RHBDD1: variants seen among roughly 807,000 people sequenced by gnomAD.
RHBDD1 encodes the protein rhomboid-related protein 4.
In RHBDD1, 38 loss-of-function variants were observed where a neutral mutation model predicts 36.3. The observed-to-expected ratio is 1.05, with a 90% CI of 0.81 to 1.37. The LOEUF (loss-of-function observed/expected upper bound fraction) is 1.37, where lower values mean the gene tolerates loss of function less well. Ranked by LOEUF, RHBDD1 falls within the 40% of genes most tolerant of loss-of-function variation. The pLI, the probability that RHBDD1 is intolerant of heterozygous loss-of-function variation, is 0.00. For synonymous variants in RHBDD1, 151 were observed against 136.5 expected, an observed-to-expected ratio of 1.11 and a Z score of -0.74; for missense variants, 393 against 377.6, an observed-to-expected ratio of 1.04 and a Z score of -0.34.
At chr2:226,987,854 T>G (rs908105851) in intron 8 of RHBDD1, among the ~76,000 whole-genome samples, 2 of 152,184 alleles carry the variant, frequency 1.3e-5, no homozygotes, top group African/African-American at 4.8e-5. Context: ...TGCATCAGAA[T>G]CTGTGGTGAG....
chr2:226,949,942 G>A (rs951375924), intron 8 of RHBDD1, among the ~76,000 whole-genome samples: 1 of 152,066 alleles, frequency 6.6e-6, no homozygotes, highest in Admixed American at 6.5e-5. Context: ...TAATTATTTA[G>A]TTGATCAAAA....
At chr2:226,956,444 A>T (rs1314648789) in intron 8 of RHBDD1, among the ~76,000 whole-genome samples, 1 of 152,180 alleles carries the variant, frequency 6.6e-6, no homozygotes, top group East Asian at 1.9e-4. Context: ...GCCTGGTGTT[A>T]TCAGGTGTTA....
chr2:226,868,749 G>A (rs969895587), intron 5 of RHBDD1, among the ~76,000 whole-genome samples: 8 of 152,290 alleles, frequency 5.3e-5, no homozygotes, highest in African/African-American at 1.9e-4. Flanking sequence ...CCCATCACGG[G>A]CAGCCACTGG....
intron 3 of RHBDD1, among the ~76,000 whole-genome samples, chr2:226,848,603 G>A (rs1942473001): frequency 1.3e-5 from 2 of 152,216 alleles, no homozygotes; most frequent in South Asian, 4.2e-4. Flanking sequence ...AATCTGAAAG[G>A]CTCATGTAAA....
chr2:226,858,719 T>G (rs1232658145), intron 3 of RHBDD1, among the ~76,000 whole-genome samples: 3 of 152,210 alleles, frequency 2.0e-5, no homozygotes, highest in African/African-American at 7.2e-5. Context: ...ATTCAGTTTC[T>G]TTTGTTTGTT....
intron 8 of RHBDD1, among the ~76,000 whole-genome samples, chr2:226,981,732 A>G (rs1955815942): frequency 6.6e-6 from 1 of 152,224 alleles, no homozygotes; most frequent in Non-Finnish European, 1.5e-5. Context: ...AATGACCATC[A>G]TACTTCTCAG....
chr2:226,849,656 A>G (rs1942595280), intron 3 of RHBDD1, among the ~76,000 whole-genome samples: 1 of 152,266 alleles, frequency 6.6e-6, no homozygotes, highest in East Asian at 1.9e-4. Context: ...GCAACGACAG[A>G]GAGTCAAGGC....
At chr2:226,980,633 C>T (rs1321217763) in intron 8 of RHBDD1, among the ~76,000 whole-genome samples, 1 of 152,148 alleles carries the variant, frequency 6.6e-6, no homozygotes, top group East Asian at 1.9e-4. Context: ...TGTAGGGTTC[C>T]TTATGGTCTT....
chr2:226,834,420 G>A (rs1940818643), upstream of RHBDD1, among the ~76,000 whole-genome samples: 1 of 152,192 alleles, frequency 6.6e-6, no homozygotes, highest in Non-Finnish European at 1.5e-5. Context: ...AGCTTTTGGA[G>A]GAGTATATTG....
intron 8 of RHBDD1, among the ~76,000 whole-genome samples, chr2:226,971,918 T>C (rs985654307): frequency 1.3e-5 from 2 of 151,094 alleles, no homozygotes; most frequent in African/African-American, 2.5e-5. Context: ...ACTTTTTTTT[T>C]TTTTTAATTT....
At chr2:226,848,459 C>G (rs1242272742) in intron 3 of RHBDD1, among the ~76,000 whole-genome samples, 2 of 152,126 alleles carry the variant, frequency 1.3e-5, no homozygotes, top group African/African-American at 4.8e-5. Context: ...GGGGTGACTT[C>G]TGGTCTCAGC....
chr2:226,939,145 A>G (rs769543533), intron 8 of RHBDD1, among the ~76,000 whole-genome samples: 11 of 152,224 alleles, frequency 7.2e-5, no homozygotes, highest in Non-Finnish European at 1.6e-4. Context: ...AATAAGAGCC[A>G]TATATTACAG....
At chr2:226,840,397 C>T (rs183177919) in intron 3 of RHBDD1, among the ~76,000 whole-genome samples, 1 of 152,280 alleles carries the variant, frequency 6.6e-6, no homozygotes, top group Admixed American at 6.5e-5. Flanking sequence ...TTGTTACATG[C>T]ACCTCATAAT....
At chr2:226,854,498 G>A (rs889902096) in intron 3 of RHBDD1, among the ~76,000 whole-genome samples, 2 of 151,114 alleles carry the variant, frequency 1.3e-5, no homozygotes, top group Admixed American at 1.3e-4. Flanking sequence ...GGAGGTTGAG[G>A]CAGAATAATT....
intron 8 of RHBDD1, among the ~76,000 whole-genome samples, chr2:226,921,344 T>A (rs904854244): frequency 6.6e-6 from 1 of 152,084 alleles, no homozygotes; most frequent in Non-Finnish European, 1.5e-5. Flanking sequence ...TTTCATTTAG[T>A]TCTACTCTTT....
intron 3 of RHBDD1, among the ~76,000 whole-genome samples, chr2:226,862,151 A>G (rs1943911520): frequency 6.6e-6 from 1 of 152,224 alleles, no homozygotes; most frequent in Non-Finnish European, 1.5e-5. Context: ...CCATTTGCAA[A>G]GGAATTAATT....
At chr2:226,809,785 ATAAC>A in the RHBDD1 span, among the ~76,000 whole-genome samples, 23 of 152,342 alleles carry the variant, frequency 1.5e-4, no homozygotes, top group Admixed American at 3.3e-4. Context: ...ACTTTACAAA[ATAAC>A]AAATAATAGC....
chr2:226,957,854 C>T (rs1323014858), intron 8 of RHBDD1, among the ~76,000 whole-genome samples: 2 of 151,976 alleles, frequency 1.3e-5, no homozygotes, highest in Non-Finnish European at 2.9e-5. Context: ...TACCACTTCA[C>T]GTCCACTAGG....
chr2:226,801,492 C>T, the RHBDD1 span, among the ~76,000 whole-genome samples: 1 of 152,172 alleles, frequency 6.6e-6, no homozygotes, highest in African/African-American at 2.4e-5. Flanking sequence ...TCCTCCCCAC[C>T]CAAGCCTGGG....
Sources: allele counts gnomAD v4.1 joint callset (sites outside exome capture counted in the v4.1 genomes callset), GRCh38; gene constraint gnomAD v4.1.1; transcripts MANE v1.5; gene names NCBI Gene and HGNC (gene_info 2026-07-23, HGNC 2026-07-21).